The following ATP10A variants were observed in gnomAD, a reference collection of about 807,000 sequenced individuals.
ATP10A encodes the protein phospholipid-transporting ATPase VA.
In ATP10A, 111 loss-of-function variants were observed where a neutral mutation model predicts 147.8. The ratio of observed to expected loss-of-function variants is 0.75; its 90% CI spans 0.64 to 0.88. The LOEUF (loss-of-function observed/expected upper bound fraction) is 0.88. Among genes scored for constraint, ATP10A ranks in the 40% least tolerant of loss-of-function variants. The pLI, the probability that ATP10A is intolerant of heterozygous loss-of-function variation, is 0.00. For missense variants in ATP10A, 1,927 were observed against 1,959.0 expected, an observed-to-expected ratio of 0.98 and a Z score of 0.31; for synonymous variants, 875 against 841.6, an observed-to-expected ratio of 1.04 and a Z score of -0.69.
intron 13 of ATP10A, among the ~76,000 whole-genome samples, chr15:25,696,070 C>T (rs899132025): frequency 7.9e-5 from 12 of 152,170 alleles, no homozygotes; most frequent in Non-Finnish European, 1.3e-4. Context: ...GGACCACCGT[C>T]TCCAGGAACA....
At chr15:25,782,852 C>A (rs1487123678) in intron 1 of ATP10A, among the ~76,000 whole-genome samples, 1 of 151,848 alleles carries the variant, frequency 6.6e-6, no homozygotes, top group Non-Finnish European at 1.5e-5. Flanking sequence ...GGAAACATAC[C>A]TTGGAGAGGA....
At chr15:25,820,783 A>C (rs1891845929) in intron 1 of ATP10A, among the ~76,000 whole-genome samples, 1 of 152,246 alleles carries the variant, frequency 6.6e-6, no homozygotes, top group African/African-American at 2.4e-5. Context: ...ACATATTTAA[A>C]AGTTCCAGAT....
intron 1 of ATP10A, among the ~76,000 whole-genome samples, chr15:25,847,995 AAGG>A (rs1567430049): frequency 1.8e-5 from 1 of 56,344 alleles, no homozygotes; most frequent in Non-Finnish European, 5.7e-5. Context: ...TGTAGTTAAG[AAGG>A]TGGTTTCTGC....
intron 13 of ATP10A, among the ~76,000 whole-genome samples, chr15:25,699,656 T>C (rs1900552201): frequency 6.6e-6 from 1 of 151,988 alleles, no homozygotes; most frequent in Admixed American, 6.6e-5. Context: ...ATCACTTGAG[T>C]TCAGGATTTT....
At chr15:25,677,605 A>T (rs528976813), downstream of ATP10A, 1 of 152,188 alleles carries the variant, frequency 6.6e-6, no homozygotes, top group East Asian at 1.9e-4. Context: ...TCACCTTCCA[A>T]AGGAGATTCT....
At chr15:25,835,225 C>T (rs1892539792) in intron 1 of ATP10A, among the ~76,000 whole-genome samples, 1 of 152,146 alleles carries the variant, frequency 6.6e-6, no homozygotes, top group African/African-American at 2.4e-5. Context: ...AAGTGATGAT[C>T]ATGCCCCTGC....
chr15:25,701,098 C>T (rs1455201342), intron 13 of ATP10A, among the ~76,000 whole-genome samples: 2 of 152,100 alleles, frequency 1.3e-5, no homozygotes, highest in East Asian at 3.9e-4. Context: ...GTCACAATGG[C>T]GTCTGTACAA....
chr15:25,720,761 T>G (rs1902164756), intron 7 of ATP10A, among the ~76,000 whole-genome samples: 1 of 152,192 alleles, frequency 6.6e-6, no homozygotes, highest in African/African-American at 2.4e-5. Flanking sequence ...CTGCTTTCAT[T>G]TTGTGTTGAG....
chr15:25,859,916 C>G (rs1299963926), intron 1 of ATP10A, among the ~76,000 whole-genome samples: 1 of 152,164 alleles, frequency 6.6e-6, no homozygotes, highest in Non-Finnish European at 1.5e-5. Context: ...TGCTCATACT[C>G]TGCGTGAACA....
At chr15:25,831,328 A>C (rs554350945) in intron 1 of ATP10A, among the ~76,000 whole-genome samples, 1 of 152,372 alleles carries the variant, frequency 6.6e-6, no homozygotes, top group East Asian at 1.9e-4. Flanking sequence ...GTGCTACCTC[A>C]GAAAAATGCT....
chr15:25,795,875 C>A (rs1343312374), intron 1 of ATP10A, among the ~76,000 whole-genome samples: 1 of 151,956 alleles, frequency 6.6e-6, no homozygotes, highest in African/African-American at 2.4e-5. Flanking sequence ...AGGGGATGTG[C>A]GAGAGTTCTG....
chr15:25,694,088 G>A (rs544278232), intron 14 of ATP10A, among the ~76,000 whole-genome samples: 2 of 152,016 alleles, frequency 1.3e-5, no homozygotes, highest in African/African-American at 4.8e-5. Flanking sequence ...AGGTGGTGCT[G>A]CTGAGCCCCT....
At chr15:25,725,284 G>A (rs1245764097) in intron 5 of ATP10A, among the ~76,000 whole-genome samples, 1 of 152,180 alleles carries the variant, frequency 6.6e-6, no homozygotes, top group Non-Finnish European at 1.5e-5. Flanking sequence ...TGGAAAAAAT[G>A]TCTTCATAAA....
At chr15:25,801,217 C>T (rs942790368) in intron 1 of ATP10A, among the ~76,000 whole-genome samples, 2 of 152,248 alleles carry the variant, frequency 1.3e-5, no homozygotes, top group African/African-American at 4.8e-5. Context: ...ACTCAGCCAG[C>T]ATCACCTCGA....
At chr15:25,746,145 T>C (rs1887834177) in intron 2 of ATP10A, among the ~76,000 whole-genome samples, 1 of 152,002 alleles carries the variant, frequency 6.6e-6, no homozygotes, top group Non-Finnish European at 1.5e-5. Context: ...ATGCAGATAC[T>C]AGAAAAGTGT....
chr15:25,767,627 AC>A (rs995865904), intron 2 of ATP10A, among the ~76,000 whole-genome samples: 63 of 152,290 alleles, frequency 4.1e-4, no homozygotes, highest in African/African-American at 1.3e-3. Flanking sequence ...TGCCTGGCCC[AC>A]CCCACATGAG....
In ATP10A at chr15:25,716,568, T is replaced by C. The variant is rs76310514; in HGVS notation, c.1776+162A>G. Among the ~76,000 whole-genome samples the C allele has an allele frequency of 1.9e-3, 294 of 152,248 alleles. 2 individuals carry two copies. Among genetic ancestry groups the C allele is most frequent in the African/African-American group, 6.6e-3 (276 of 41,548 alleles). Reference sequence around the variant, plus strand: ...CAACGCTGCAGAACCACAAGCACTGTTTTGCCCAGTATGAAGCACCCCACC... The same window carrying C: ...CAACGCTGCAGAACCACAAGCACTGCTTTGCCCAGTATGAAGCACCCCACC... On this transcript the variant is annotated intron_variant, in intron 9 of 20. Transcript: ENST00000555815.
intron 2 of ATP10A, among the ~76,000 whole-genome samples, chr15:25,768,435 C>T (rs897541846): frequency 2.6e-5 from 4 of 152,132 alleles, no homozygotes; most frequent in African/African-American, 9.7e-5. Flanking sequence ...CACCTGGACT[C>T]CCATCCTGTC....
chr15:25,839,180 C>T (rs1039328066), intron 1 of ATP10A, among the ~76,000 whole-genome samples: 1 of 152,128 alleles, frequency 6.6e-6, no homozygotes, highest in African/African-American at 2.4e-5. Context: ...TGTGATATTC[C>T]CAGGATCAAG....
Sources: allele counts gnomAD v4.1 joint callset (sites outside exome capture counted in the v4.1 genomes callset), GRCh38; gene constraint gnomAD v4.1.1; transcripts MANE v1.5; gene names NCBI Gene and HGNC (gene_info 2026-07-23, HGNC 2026-07-21).